Variants in NFIA observed in about 807,000 individuals in gnomAD.
NFIA encodes nuclear factor 1 A-type.
A neutral mutation model predicts 62.8 loss-of-function variants in NFIA; 8 were observed. The ratio of observed to expected loss-of-function variants is 0.13; its 90% CI spans 0.07 to 0.23. The LOEUF is 0.23. NFIA is among the 10% of genes least tolerant of loss of function. NFIA has a pLI of 1.00. For synonymous variants in NFIA, 235 were observed against 238.1 expected (o/e 0.99, Z 0.12); for missense variants, 410 against 642.1 (o/e 0.64, Z 3.91).
intron 9 of NFIA, among the ~76,000 whole-genome samples, chr1:61,420,015 C>G (rs1666533981): frequency 6.6e-6 from 1 of 152,190 alleles, no homozygotes; most frequent in Non-Finnish European, 1.5e-5. Context: ...TAGTTATCCT[C>G]TAGATGCTAA....
intron 6 of NFIA, among the ~76,000 whole-genome samples, chr1:61,369,808 A>T (rs950926838): frequency 2.6e-5 from 4 of 152,114 alleles, no homozygotes; most frequent in Non-Finnish European, 5.9e-5. Context: ...GTGTGCATAC[A>T]TATACATTCA....
At chr1:61,183,968 CTTGG>C (rs1650936425) in intron 2 of NFIA, among the ~76,000 whole-genome samples, 1 of 151,992 alleles carries the variant, frequency 6.6e-6, no homozygotes, top group Admixed American at 6.6e-5. Flanking sequence ...TTTAATTCCT[CTTGG>C]AAAGTTTACG....
intron 10 of NFIA, among the ~76,000 whole-genome samples, chr1:61,436,264 A>C (rs1667322017): frequency 6.6e-6 from 1 of 152,140 alleles, no homozygotes; most frequent in East Asian, 1.9e-4. Context: ...TGCAAAGGAA[A>C]AGAGCCTGGT....
At chr1:61,274,498 C>T (rs1056211482) in intron 2 of NFIA, among the ~76,000 whole-genome samples, 10 of 152,118 alleles carry the variant, frequency 6.6e-5, no homozygotes, top group African/African-American at 2.4e-4. Context: ...ACCAGTAAGC[C>T]AGAGAAACTC....
At position 61,359,899 on chromosome 1, in the gene NFIA, T is replaced by C. The variant is rs530754625; in HGVS notation, c.946+625T>C. Among the ~76,000 whole-genome samples, 5 of 152,298 alleles carry C rather than the reference T, an allele frequency of 3.3e-5. No individual in the cohort carries two copies. In the South Asian group the frequency reaches 1.0e-3, roughly 32 times the overall value. ...ACCCACCTCGGCCTCCCAATTGTTTTTGTTTTTATACTATCTTTTGGTTTA... is the reference window on the plus strand; with the variant it reads ...ACCCACCTCGGCCTCCCAATTGTTTCTGTTTTTATACTATCTTTTGGTTTA... On this transcript the variant is annotated intron_variant, in intron 6 of 10. Coordinates refer to ENST00000403491, the MANE Select transcript of NFIA (RefSeq NM_001134673.4).
chr1:61,153,440 A>G (rs1403002628), intron 2 of NFIA, among the ~76,000 whole-genome samples: 1 of 152,228 alleles, frequency 6.6e-6, no homozygotes, highest in Non-Finnish European at 1.5e-5. Flanking sequence ...TTTATCATCA[A>G]GGACCTCAAC....
intron 2 of NFIA, among the ~76,000 whole-genome samples, chr1:61,211,765 T>C (rs1363904917): frequency 6.6e-6 from 1 of 152,220 alleles, no homozygotes; most frequent in Non-Finnish European, 1.5e-5. Context: ...TGGTGCAGTC[T>C]TGGCTCACTG....
At position 61,200,297 on chromosome 1, in the gene NFIA, A is replaced by G. The variant is rs189835865; in HGVS notation, c.560-77223A>G. Among the ~76,000 whole-genome samples the G allele has an allele frequency of 5.3e-5, 8 of 151,710 alleles. No individual in the cohort carries two copies. In the East Asian group the frequency reaches 1.2e-3, roughly 22 times the overall value. On this transcript the variant is annotated intron_variant, in intron 2 of 10. Coordinates refer to ENST00000403491, the MANE Select transcript of NFIA (RefSeq NM_001134673.4). The stretch of plus-strand genomic sequence containing the variant: ...GCCTCAGTTTCCTCATCTGTATGGG[A>G]TAATAATATTATGAGTTAATCCATG...
chr1:61,221,290 A>T (rs1419318471), intron 2 of NFIA, among the ~76,000 whole-genome samples: 1 of 152,142 alleles, frequency 6.6e-6, no homozygotes, highest in African/African-American at 2.4e-5. Flanking sequence ...CAAAATTATT[A>T]TGGAATTGAA....
At chr1:61,385,932 T>A (rs1187573991) in intron 7 of NFIA, 2 of 152,182 alleles carry the variant, frequency 1.3e-5, no homozygotes, top group Non-Finnish European at 2.9e-5. Context: ...CAGGTACCCG[T>A]TCTTACCGTG....
At chr1:61,276,925 A>G (rs1242063274) in intron 2 of NFIA, among the ~76,000 whole-genome samples, 1 of 152,200 alleles carries the variant, frequency 6.6e-6, no homozygotes, top group African/African-American at 2.4e-5. Context: ...TAATTCTTAT[A>G]AAGCAGGGGA....
rs538886775 is a variant in NFIA, at chr1:61,149,105, A to G, written c.559+60425A>G. On this transcript the variant is annotated intron_variant, in intron 2 of 10. Coordinates refer to ENST00000403491, the MANE Select transcript of NFIA (RefSeq NM_001134673.4). The stretch of plus-strand genomic sequence containing the variant: ...AGATATGGGTCTAATTATGTTGACC[A>G]GGCTGGTCTCGAACTCCTGGCCTCA... 1.7e-3 allele frequency among the ~76,000 whole-genome samples: 255 copies of G among 147,910 alleles called. 2 individuals are homozygous for G. Among genetic ancestry groups the G allele is most frequent in the Non-Finnish European group, 3.4e-3 (230 of 67,428 alleles).
At chr1:61,375,370 G>T (rs1664096974) in intron 6 of NFIA, among the ~76,000 whole-genome samples, 1 of 152,172 alleles carries the variant, frequency 6.6e-6, no homozygotes, top group African/African-American at 2.4e-5. Context: ...AGATCTAGTG[G>T]AGTAGGGGAA....
upstream of NFIA, chr1:61,081,813 T>TA (rs1198143172): frequency 6.8e-7 from 1 of 1,469,698 alleles, no homozygotes; most frequent in Non-Finnish European, 9.1e-7. Context: ...TGTGCATAAT[T>TA]ACCTCTGCCG....
At chr1:61,336,546 AC>A (rs1244026412) in intron 4 of NFIA, among the ~76,000 whole-genome samples, 6 of 152,208 alleles carry the variant, frequency 3.9e-5, no homozygotes, top group African/African-American at 1.4e-4. Context: ...TCCACAGTTT[AC>A]CTTAGGGTTC....
chr1:61,374,991 GTCT>G (rs1401991286), intron 6 of NFIA, among the ~76,000 whole-genome samples: 1 of 152,142 alleles, frequency 6.6e-6, no homozygotes, highest in African/African-American at 2.4e-5. Flanking sequence ...AACGTGTGGT[GTCT>G]TCAACGACCT....
chr1:61,134,170 T>C (rs1647133768), intron 2 of NFIA, among the ~76,000 whole-genome samples: 1 of 151,992 alleles, frequency 6.6e-6, no homozygotes, highest in Non-Finnish European at 1.5e-5. Context: ...GTGGGTTTTT[T>C]TGATGATTAA....
At chr1:61,291,748 A>G (rs552838223) in intron 3 of NFIA, among the ~76,000 whole-genome samples, 10 of 152,284 alleles carry the variant, frequency 6.6e-5, no homozygotes, top group African/African-American at 1.9e-4. Context: ...TAGGTTTTCA[A>G]TGTATTGACT....
At chr1:61,286,278 A>C (rs932300736) in intron 3 of NFIA, among the ~76,000 whole-genome samples, 1 of 151,470 alleles carries the variant, frequency 6.6e-6, no homozygotes, top group Non-Finnish European at 1.5e-5. Flanking sequence ...AAAAAAAAAA[A>C]TTAGCCGGGT....
Sources: allele counts gnomAD v4.1 joint callset (sites outside exome capture counted in the v4.1 genomes callset), GRCh38; gene constraint gnomAD v4.1.1; transcripts MANE v1.5; gene names NCBI Gene and HGNC (gene_info 2026-07-23, HGNC 2026-07-21).